CEP135: variants seen among roughly 807,000 people sequenced by gnomAD.
CEP135 encodes centrosomal protein 135.
Under a neutral mutation model 157.3 loss-of-function variants are expected in CEP135, and 142 were observed. The observed-to-expected ratio is 0.90, with a 90% CI of 0.79 to 1.04. The LOEUF is 1.04. Among genes scored for constraint, CEP135 ranks in the 50% least tolerant of loss-of-function variants. CEP135 has a pLI of 0.00. For missense variants in CEP135, 1,317 were observed against 1,309.2 expected (o/e 1.01, Z -0.09); for synonymous variants, 396 against 439.8 (o/e 0.90, Z 1.25).
At chr4:55,962,775 A>T (rs1224573032) in intron 6 of CEP135, among the ~76,000 whole-genome samples, 1 of 133,798 alleles carries the variant, frequency 7.5e-6, no homozygotes, top group African/African-American at 2.8e-5. Flanking sequence ...TCCCTGAAAT[A>T]TTACTGTTTT....
intron 8 of CEP135, among the ~76,000 whole-genome samples, chr4:55,968,637 T>G (rs1379614906): frequency 6.6e-6 from 1 of 152,170 alleles, no homozygotes; most frequent in African/African-American, 2.4e-5. Context: ...AAATGACAAG[T>G]TGGCTCAACA....
At chr4:55,977,814 A>G (rs1421786455) in intron 11 of CEP135, among the ~76,000 whole-genome samples, 1 of 152,238 alleles carries the variant, frequency 6.6e-6, no homozygotes, top group Non-Finnish European at 1.5e-5. Context: ...TGATCATGAA[A>G]TAATTTGTGT....
intron 13 of CEP135, 79 bp downstream of exon 13, chr4:55,981,458 A>C: frequency 7.6e-7 from 1 of 1,312,134 alleles, no homozygotes; most frequent in South Asian, 1.6e-5. Context: ...CTGTGAAGTT[A>C]CTATTGGCCA....
chr4:55,954,466 G>A lies in CEP135; in HGVS notation c.472+83G>A, dbSNP rs1305486726. The A allele has an allele frequency of 3.2e-6, 4 of 1,236,520 alleles. No individual in the cohort carries two copies. The African/African-American group carries it at 6.2e-5, about 19-fold the overall frequency. 76.6% of individuals were successfully genotyped at this position (1,236,520 alleles called of 1,614,324 possible). A position where few individuals can be genotyped will look rare whatever the true frequency, so the allele number is the denominator to read the frequency against. The stretch of plus-strand genomic sequence containing the variant: ...CACCATTGACTAAAATAGGACTTTG[G>A]ATTGGATTTTCATGCTTAGACTTTA... On this transcript the variant is annotated intron_variant, in intron 4 of 25. Coordinates refer to ENST00000257287, the MANE Select transcript of CEP135 (RefSeq NM_025009.5).
At chr4:56,016,212 C>T (rs765071194) in intron 21 of CEP135, among the ~76,000 whole-genome samples, 2 of 152,174 alleles carry the variant, frequency 1.3e-5, no homozygotes. Flanking sequence ...GGGACAGATT[C>T]TCCCATAGAA....
Position 55,957,222 on chromosome 4 carries a change from G to A in CEP135, c.473-1G>A, listed in dbSNP as rs367650085. ...TTTTTTAAGACACTCATTCTTTTTA[G>A]GTGGCAAGAAAAGAAGTATTGCTTT... On this transcript the variant is annotated splice_acceptor_variant, in intron 4 of 25. Transcript: ENST00000257287. LOFTEE classifies it high-confidence loss of function. 6.2e-7 allele frequency: 1 copy of A among 1,610,572 alleles called. No homozygotes were observed. Among genetic ancestry groups the A allele is most frequent in the African/African-American group, 1.3e-5 (1 of 74,716 alleles).
intron 20 of CEP135, 104 bp downstream of exon 20, chr4:56,011,626 C>A (rs1234467427): frequency 1.0e-6 from 1 of 955,088 alleles, no homozygotes; most frequent in Non-Finnish European, 1.6e-6. Flanking sequence ...AAGTAGAGAT[C>A]TTGTCTACTG....
At chr4:56,019,648 A>G (rs1730904677) in intron 23 of CEP135, 93 bp downstream of exon 23, 6 of 1,037,746 alleles carry the variant, frequency 5.8e-6, no homozygotes, top group African/African-American at 1.6e-5. Flanking sequence ...AAGAGTATGA[A>G]AGATAGGCCA....
intron 15 of CEP135, among the ~76,000 whole-genome samples, chr4:55,995,820 A>C (rs780770939): frequency 3.3e-5 from 5 of 152,168 alleles, no homozygotes; most frequent in South Asian, 2.1e-4. Context: ...CCCCTAGTAA[A>C]CATCCTTAAG....
At chr4:55,983,259 A>G (rs1161925085) in intron 13 of CEP135, among the ~76,000 whole-genome samples, 1 of 152,248 alleles carries the variant, frequency 6.6e-6, no homozygotes, top group Non-Finnish European at 1.5e-5. Flanking sequence ...GAATGTAAAA[A>G]TAGGATTTTT....
At chr4:55,969,255 C>T (rs1396990945) in intron 9 of CEP135, 127 bp downstream of exon 9, 7 of 640,804 alleles carry the variant, frequency 1.1e-5, no homozygotes, top group Middle Eastern at 4.5e-4. Flanking sequence ...GGCGAAACCC[C>T]GTCTCTACTA....
chr4:56,013,020 C>T (rs1445788073), intron 21 of CEP135, among the ~76,000 whole-genome samples: 2 of 152,136 alleles, frequency 1.3e-5, no homozygotes, highest in African/African-American at 2.4e-5. Context: ...CAGCAATGCA[C>T]GAGGGTTCCA....
At chr4:55,976,983 T>TG (rs1301315845) in intron 11 of CEP135, among the ~76,000 whole-genome samples, 55 of 151,670 alleles carry the variant, frequency 3.6e-4, no homozygotes, top group South Asian at 1.2e-3. Flanking sequence ...CTTTTTTTTT[T>TG]TTTGTTTTTT....
intron 22 of CEP135, among the ~76,000 whole-genome samples, chr4:56,018,751 C>T (rs1004586475): frequency 6.6e-6 from 1 of 151,142 alleles, no homozygotes; most frequent in African/African-American, 2.5e-5. Flanking sequence ...CAGAGTGAGA[C>T]CTTGTCTCAA....
chr4:55,957,433 G>A, intron 5 of CEP135, 69 bp downstream of exon 5: 2 of 1,485,644 alleles, frequency 1.3e-6, no homozygotes, highest in African/African-American at 2.8e-5. Context: ...TTCTTGATAG[G>A]AGGGCTTTTT....
chr4:56,009,952 T>G lies in CEP135; in HGVS notation c.2505+49T>G, dbSNP rs111996966. On this transcript the variant is annotated intron_variant, in intron 19 of 25. Transcript: ENST00000257287. The stretch of plus-strand genomic sequence containing the variant: ...TGATAGTTTTATACTTTCCATTGTT[T>G]GCTAAATATTAAAGCTCTAAATATT... The G allele has an allele frequency of 7.5e-4, 1,138 of 1,522,616 alleles. 4 individuals carry two copies. In the African/African-American group the frequency reaches 0.014, roughly 19 times the overall value. 94.3% of individuals were successfully genotyped at this position (1,522,616 alleles called of 1,614,324 possible).
intron 15 of CEP135, among the ~76,000 whole-genome samples, chr4:55,998,261 T>C (rs1730044743): frequency 6.6e-6 from 1 of 152,218 alleles, no homozygotes. Context: ...GAGAGCCATG[T>C]CTTTTCAGCA....
Position 55,959,696 on chromosome 4 carries a change from A to G in CEP135, c.629A>G (p.Gln210Arg). Residue 210 changes from glutamine (Q) to arginine (R), a missense_variant, in exon 6 of 26, where the codon CAA becomes CGA. Coordinates refer to ENST00000257287, the MANE Select transcript of CEP135 (RefSeq NM_025009.5). ...GTGCTTTTCAGGATTCAAGAACTTCAACAGGAAGTCCACCAGCTACAAGAA... is the reference window on the plus strand; with the variant it reads ...GTGCTTTTCAGGATTCAAGAACTTCGACAGGAAGTCCACCAGCTACAAGAA... ...QVADNRIQEL[Q>R]QEVHQLQEKL... 1.9e-6 allele frequency: 3 copies of G among 1,614,038 alleles called. No individual in the cohort carries two copies. Among genetic ancestry groups the G allele is most frequent in the Non-Finnish European group, 2.5e-6 (3 of 1,179,912 alleles).
intron 23 of CEP135, among the ~76,000 whole-genome samples, chr4:56,019,881 G>A (rs1417604696): frequency 6.6e-6 from 1 of 152,220 alleles, no homozygotes; most frequent in Non-Finnish European, 1.5e-5. Context: ...GGAGGTTGCA[G>A]TGAGCCGAGA....
Sources: allele counts gnomAD v4.1 joint callset (sites outside exome capture counted in the v4.1 genomes callset), GRCh38; gene constraint gnomAD v4.1.1; transcripts MANE v1.5; gene names NCBI Gene and HGNC (gene_info 2026-07-23, HGNC 2026-07-21).